The following BICC1 variants were observed in gnomAD, a reference collection of about 807,000 sequenced individuals.
The protein encoded by BICC1 is BicC family RNA binding protein 1, also known as protein bicaudal C homolog 1.
A neutral mutation model predicts 111.0 loss-of-function variants in BICC1; 43 were observed. The ratio of observed to expected loss-of-function variants is 0.39; its 90% CI spans 0.30 to 0.50. BICC1 has a LOEUF of 0.50. Among genes scored for constraint, BICC1 ranks in the 20% least tolerant of loss-of-function variants. BICC1 has a pLI of 0.88. For missense variants in BICC1, 1,091 were observed against 1,203.2 expected, an observed-to-expected ratio of 0.91 and a Z score of 1.38; for synonymous variants, 467 against 434.4, an observed-to-expected ratio of 1.07 and a Z score of -0.93.
At chr10:58,719,118 G>A (rs1731697525) in intron 3 of BICC1, among the ~76,000 whole-genome samples, 5 of 151,990 alleles carry the variant, frequency 3.3e-5, no homozygotes, top group Admixed American at 3.3e-4. Context: ...TTAATTTTTG[G>A]TATGGTTTAC....
intron 1 of BICC1, among the ~76,000 whole-genome samples, chr10:58,604,591 G>T (rs1217472497): frequency 1.3e-5 from 2 of 152,128 alleles, no homozygotes; most frequent in Non-Finnish European, 2.9e-5. Context: ...AACCCGGGAG[G>T]CAGAGCTTGC....
intron 1 of BICC1, among the ~76,000 whole-genome samples, chr10:58,518,787 A>G (rs1288406328): frequency 6.6e-6 from 1 of 152,114 alleles, no homozygotes; most frequent in Admixed American, 6.5e-5. Context: ...ACTAACTTGG[A>G]TTGAGGAGGT....
At chr10:58,818,997 T>C (rs1293064278) in intron 19 of BICC1, among the ~76,000 whole-genome samples, 1 of 152,178 alleles carries the variant, frequency 6.6e-6, no homozygotes, top group Non-Finnish European at 1.5e-5. Flanking sequence ...AACATGAAAG[T>C]ATAAAGCCAG....
intron 6 of BICC1, 145 bp downstream of exon 6, chr10:58,788,568 C>G (rs576773850): frequency 1.3e-5 from 7 of 542,602 alleles, no homozygotes; most frequent in Admixed American, 3.3e-5. Flanking sequence ...TAGTGTCTAT[C>G]TTAGCATTCA....
intron 2 of BICC1, among the ~76,000 whole-genome samples, chr10:58,657,773 A>C (rs1838705333): frequency 6.7e-6 from 1 of 149,316 alleles, no homozygotes; most frequent in South Asian, 2.2e-4. Context: ...ATAAATCTAG[A>C]AACTTATTCC....
intron 1 of BICC1, among the ~76,000 whole-genome samples, chr10:58,566,152 G>A (rs1424390195): frequency 3.3e-5 from 5 of 150,826 alleles, no homozygotes; most frequent in African/African-American, 1.2e-4. Context: ...TCAATGATGT[G>A]TGTGTGTGTG....
At chr10:58,522,842 A>G (rs1321290955) in intron 1 of BICC1, among the ~76,000 whole-genome samples, 10 of 152,018 alleles carry the variant, frequency 6.6e-5, no homozygotes, top group African/African-American at 2.4e-4. Flanking sequence ...GAAGAATCAA[A>G]TGGACACAAT....
At chr10:58,632,242 GC>G (rs2132176835) in intron 2 of BICC1, among the ~76,000 whole-genome samples, 1 of 152,332 alleles carries the variant, frequency 6.6e-6, no homozygotes, top group African/African-American at 2.4e-5. Context: ...CTTTCAAAGA[GC>G]TTTTATTCTG....
At chr10:58,757,791 A>G (rs1280051459) in intron 3 of BICC1, among the ~76,000 whole-genome samples, 1 of 152,244 alleles carries the variant, frequency 6.6e-6, no homozygotes, top group Non-Finnish European at 1.5e-5. Flanking sequence ...ATAAATATCA[A>G]TGCAGTCTGT....
intron 2 of BICC1, among the ~76,000 whole-genome samples, chr10:58,660,679 C>T (rs1282703252): frequency 6.6e-6 from 1 of 152,060 alleles, no homozygotes; most frequent in Non-Finnish European, 1.5e-5. Flanking sequence ...CTTCTGACAT[C>T]TTTGTACCCT....
intron 2 of BICC1, among the ~76,000 whole-genome samples, chr10:58,655,163 C>T (rs554811688): frequency 0.02 from 2,912 of 142,242 alleles, 120 homozygotes; most frequent in African/African-American, 0.071. Context: ...CTTGGCGATG[C>T]GGGCTCTTTT....
At chr10:58,637,368 G>A (rs1237492090) in intron 2 of BICC1, among the ~76,000 whole-genome samples, 1 of 152,132 alleles carries the variant, frequency 6.6e-6, no homozygotes, top group African/African-American at 2.4e-5. Flanking sequence ...AATTATCAGG[G>A]TAAACTGAAC....
At chr10:58,512,762 C>G (rs1223700626), upstream of BICC1, among the ~76,000 whole-genome samples, 1 of 151,402 alleles carries the variant, frequency 6.6e-6, no homozygotes, top group Non-Finnish European at 1.5e-5. Context: ...GCCCGCCCGC[C>G]GCGGCTCCCC....
intron 3 of BICC1, among the ~76,000 whole-genome samples, chr10:58,740,183 G>T (rs1447038722): frequency 6.6e-6 from 1 of 152,170 alleles, no homozygotes. Context: ...GGCTCCCAGG[G>T]AATGGTAGCT....
intron 2 of BICC1, among the ~76,000 whole-genome samples, chr10:58,691,465 A>G (rs1231707936): frequency 6.6e-6 from 1 of 152,204 alleles, no homozygotes; most frequent in Non-Finnish European, 1.5e-5. Flanking sequence ...CTAACATTAT[A>G]GGCCGTCATA....
At chr10:58,595,938 A>G (rs1469622958) in intron 1 of BICC1, among the ~76,000 whole-genome samples, 1 of 152,244 alleles carries the variant, frequency 6.6e-6, no homozygotes, top group Admixed American at 6.5e-5. Flanking sequence ...GATTTTTTGA[A>G]AAGATCAACA....
intron 3 of BICC1, among the ~76,000 whole-genome samples, chr10:58,756,029 TC>T (rs1842133956): frequency 6.6e-6 from 1 of 152,210 alleles, no homozygotes; most frequent in Non-Finnish European, 1.5e-5. Flanking sequence ...CCCTTACATT[TC>T]TTTATACATT....
chr10:58,670,569 A>C lies in BICC1; in HGVS notation c.238-31505A>C, dbSNP rs1839153878. On this transcript the variant is annotated intron_variant, in intron 2 of 20. Coordinates refer to ENST00000373886, the MANE Select transcript of BICC1 (RefSeq NM_001080512.3). ...TGATCACATGGGAGGAGTCAGGGAC[A>C]GGCAGTGGTCAAGGATGACACTGAA... 3.9e-5 allele frequency among the ~76,000 whole-genome samples: 6 copies of C among 152,336 alleles called. No homozygotes were observed. The South Asian group carries it at 1.2e-3, about 32-fold the overall frequency.
chr10:58,569,131 A>G (rs11815274), intron 1 of BICC1, among the ~76,000 whole-genome samples: 81,076 of 151,998 alleles, frequency 0.53, 22,511 homozygotes, highest in African/African-American at 0.68. Flanking sequence ...AATGCTGTTC[A>G]TGTATGTTTA....
Sources: gnomAD v4.1 joint callset for allele counts (sites outside exome capture counted in the v4.1 genomes callset) on GRCh38, gnomAD v4.1.1 for gene constraint, MANE v1.5 for transcripts, NCBI Gene and HGNC (gene_info 2026-07-23, HGNC 2026-07-21) for gene names.